OR8B2: variants seen among roughly 807,000 people sequenced by gnomAD.
OR8B2 encodes the protein olfactory receptor 8B2.
For synonymous variants in OR8B2, 98 were observed against 138.2 expected (o/e 0.71, Z 2.04); for missense variants, 304 against 379.6 (o/e 0.80, Z 1.65).
chr11:124,391,214 A>G, the OR8B2 span, among the ~76,000 whole-genome samples: 1 of 152,172 alleles, frequency 6.6e-6, no homozygotes, highest in Non-Finnish European at 1.5e-5. Context: ...AGAACTAGAA[A>G]AGCAAGAGCA....
upstream of OR8B2, among the ~76,000 whole-genome samples, chr11:124,386,548 A>G (rs947322652): frequency 4.0e-5 from 6 of 150,106 alleles, no homozygotes; most frequent in Non-Finnish European, 7.4e-5. Flanking sequence ...GAGAATGATG[A>G]TTTCCAATTT....
the OR8B2 span, among the ~76,000 whole-genome samples, chr11:124,394,288 T>TAAAG: frequency 6.7e-6 from 1 of 149,476 alleles, no homozygotes; most frequent in Non-Finnish European, 1.5e-5. Flanking sequence ...AATAAATAAA[T>TAAAG]AAATAAAATC....
chr11:124,384,853 G>C (rs1400685277), upstream of OR8B2, among the ~76,000 whole-genome samples: 1 of 152,180 alleles, frequency 6.6e-6, no homozygotes, highest in African/African-American at 2.4e-5. Context: ...AGCCTCTGCT[G>C]TCATGTATAA....
upstream of OR8B2, among the ~76,000 whole-genome samples, chr11:124,388,443 T>C (rs900860197): frequency 6.6e-6 from 1 of 152,174 alleles, no homozygotes; most frequent in African/African-American, 2.4e-5. Flanking sequence ...GGGCAAAGAA[T>C]ACAGACAATG....
chr11:124,395,432 G>C, the OR8B2 span: 49 of 152,270 alleles, frequency 3.2e-4, no homozygotes, highest in African/African-American at 1.2e-3. Context: ...TTCACGTCTT[G>C]TTGGTGAGAT....
chr11:124,385,108 A>G (rs1297745946), upstream of OR8B2, among the ~76,000 whole-genome samples: 2 of 152,194 alleles, frequency 1.3e-5, no homozygotes, highest in Non-Finnish European at 2.9e-5. Flanking sequence ...TGTGTAACAT[A>G]GAATGATCCT....
chr11:124,393,780 A>G, the OR8B2 span, among the ~76,000 whole-genome samples: 134 of 151,880 alleles, frequency 8.8e-4, no homozygotes, highest in African/African-American at 3.1e-3. Context: ...ACTATAAATC[A>G]TGCTGCTATA....
upstream of OR8B2, among the ~76,000 whole-genome samples, chr11:124,386,085 G>T (rs6590070): frequency 0.87 from 131,847 of 152,066 alleles, 57,185 homozygotes; most frequent in South Asian, 0.92. Flanking sequence ...TCTATCATAG[G>T]GTCAGATGTT....
At chr11:124,387,724 G>A (rs9787967), upstream of OR8B2, among the ~76,000 whole-genome samples, 24,029 of 109,062 alleles carry the variant, frequency 0.22, 3,216 homozygotes, top group African/African-American at 0.35. Flanking sequence ...TTGGCTTAGG[G>A]TTGACTTGGT....
At chr11:124,393,820 G>A in the OR8B2 span, among the ~76,000 whole-genome samples, 1 of 151,030 alleles carries the variant, frequency 6.6e-6, no homozygotes, top group African/African-American at 2.4e-5. Context: ...GTTTATTGTG[G>A]CACTATTCAC....
chr11:124,383,865 AAAG>A (rs1478618388), intron 1 of OR8B2, among the ~76,000 whole-genome samples: 5 of 152,170 alleles, frequency 3.3e-5, no homozygotes, highest in Non-Finnish European at 5.9e-5. Context: ...CCGGGTGATA[AAAG>A]AAGACCCTTA....
chr11:124,396,704 A>C, the OR8B2 span: 1 of 1,613,910 alleles, frequency 6.2e-7, no homozygotes, highest in Non-Finnish European at 8.5e-7. Context: ...AAACATAAGA[A>C]ATGAGGATGG....
the OR8B2 span, among the ~76,000 whole-genome samples, chr11:124,392,515 T>A: frequency 1.2e-5 from 1 of 84,128 alleles, no homozygotes; most frequent in Non-Finnish European, 2.2e-5. Context: ...CATTCACAAT[T>A]GCTTCAAAGA....
the OR8B2 span, among the ~76,000 whole-genome samples, chr11:124,391,846 T>G: frequency 1.3e-5 from 2 of 151,168 alleles, no homozygotes; most frequent in African/African-American, 4.9e-5. Context: ...TGATGAACAT[T>G]GATGGAAAAA....
chr11:124,397,058 C>A, the OR8B2 span: 5 of 1,613,768 alleles, frequency 3.1e-6, no homozygotes, highest in Non-Finnish European at 4.2e-6. Context: ...ACAGCTGAGT[C>A]ATGCACCCAA....
chr11:124,393,387 A>G, the OR8B2 span, among the ~76,000 whole-genome samples: 1 of 149,332 alleles, frequency 6.7e-6, no homozygotes, highest in Non-Finnish European at 1.5e-5. Flanking sequence ...AATATCCAGA[A>G]TCTACAATGA....
At chr11:124,396,926 A>G in the OR8B2 span, 1 of 1,606,834 alleles carries the variant, frequency 6.2e-7, no homozygotes, top group African/African-American at 1.3e-5. Flanking sequence ...AAGTGAGCAT[A>G]GAACAGACCT....
the OR8B2 span, chr11:124,396,925 T>C: frequency 1.9e-6 from 3 of 1,606,278 alleles, no homozygotes; most frequent in African/African-American, 2.7e-5. Flanking sequence ...AAAGTGAGCA[T>C]AGAACAGACC....
At chr11:124,393,999 G>A in the OR8B2 span, among the ~76,000 whole-genome samples, 14 of 148,810 alleles carry the variant, frequency 9.4e-5, no homozygotes, top group South Asian at 2.2e-4. Flanking sequence ...GTAAACTATC[G>A]CAAGAACAAA....
Sources: allele counts gnomAD v4.1 joint callset (sites outside exome capture counted in the v4.1 genomes callset), GRCh38; gene constraint gnomAD v4.1.1; transcripts MANE v1.5; gene names NCBI Gene and HGNC (gene_info 2026-07-23, HGNC 2026-07-21).